COPB1: variants seen among roughly 807,000 people sequenced by gnomAD.
COPB1 encodes the protein coat protein complex I subunit beta 1.
In COPB1, 21 loss-of-function variants were observed where a neutral mutation model predicts 108.7. The ratio of observed to expected loss-of-function variants is 0.19; its 90% CI spans 0.14 to 0.28. The LOEUF is 0.28. Among genes scored for constraint, COPB1 ranks in the 10% least tolerant of loss-of-function variants. The pLI is 1.00. For synonymous variants in COPB1, 378 were observed against 386.8 expected, an observed-to-expected ratio of 0.98 and a Z score of 0.27; for missense variants, 919 against 1,141.3, an observed-to-expected ratio of 0.81 and a Z score of 2.81.
chr11:14,490,940 C>G (rs1850885156), intron 4 of COPB1, among the ~76,000 whole-genome samples: 1 of 152,026 alleles, frequency 6.6e-6, no homozygotes, highest in South Asian at 2.1e-4. Flanking sequence ...TAGGTGCCCA[C>G]CACTATGCCC....
chr11:14,483,091 T>G lies in COPB1; in HGVS notation c.898A>C (p.Ile300Leu). The change falls in exon 8 of 22, where the codon ATA (isoleucine) becomes CTA (leucine). Residue 300 changes from isoleucine (I) to leucine (L), a missense_variant. This residue lies in a region of COPB1 where 705 missense variants were observed against 817.8 expected (regional missense o/e 0.86). Coordinates refer to ENST00000439561, the MANE Select transcript of COPB1 (RefSeq NM_001144061.2). The stretch of plus-strand genomic sequence containing the variant: ...AATTCTATCAAGCGATCCAAAACTA[T>G]GAGTTTTACATTGTTGTCGCTCTCC... Reference protein sequence around the residue: ...IKESDNNVKLIVLDRLIELKE... With the variant: ...IKESDNNVKLLVLDRLIELKE... The G allele has an allele frequency of 6.3e-7, 1 of 1,591,580 alleles. No individual in the cohort carries two copies. Among genetic ancestry groups the G allele is most frequent in the Non-Finnish European group, 8.6e-7 (1 of 1,162,368 alleles).
chr11:14,499,411 G>T (rs374665458), intron 1 of COPB1, among the ~76,000 whole-genome samples: 2 of 152,218 alleles, frequency 1.3e-5, no homozygotes, highest in South Asian at 2.1e-4. Flanking sequence ...TAATCAACGC[G>T]CTGCACCCCC....
At chr11:14,482,907 G>A in intron 8 of COPB1, 125 bp downstream of exon 8, 1 of 789,944 alleles carries the variant, frequency 1.3e-6, no homozygotes, top group Non-Finnish European at 1.9e-6. Flanking sequence ...TAACACTTTA[G>A]CTGATCAAAA....
chr11:14,484,245 A>G (rs1376277947), intron 7 of COPB1, among the ~76,000 whole-genome samples: 2 of 152,234 alleles, frequency 1.3e-5, no homozygotes, highest in Non-Finnish European at 2.9e-5. Context: ...ACTGCATACA[A>G]TATGGGATCC....
intron 18 of COPB1, among the ~76,000 whole-genome samples, chr11:14,464,628 A>G (rs2134096082): frequency 6.6e-6 from 1 of 152,206 alleles, no homozygotes; most frequent in East Asian, 1.9e-4. Flanking sequence ...CTAACCTCAA[A>G]GCATATGGTA....
chr11:14,473,356 C>T lies in COPB1; in HGVS notation c.1737+1139G>A, dbSNP rs575503428. ...TTCCTTTGCATGCATAACTTGGCTA[C>T]CTACTTGGCAAAAGCAGCCTAGCTT... On this transcript the variant is annotated intron_variant, in intron 14 of 21. Transcript: ENST00000439561. Among the ~76,000 whole-genome samples, 6 of 152,282 alleles carry T rather than the reference C, an allele frequency of 3.9e-5. No homozygotes were observed. In the South Asian group the frequency reaches 1.2e-3, roughly 32 times the overall value.
chr11:14,471,011 C>A (rs1246610384), intron 14 of COPB1, among the ~76,000 whole-genome samples: 1 of 150,662 alleles, frequency 6.6e-6, no homozygotes, highest in Non-Finnish European at 1.5e-5. Context: ...AGCCAGAAGA[C>A]AATGGAGCTT....
chr11:14,461,565 GAAGTT>G (rs764033775), intron 18 of COPB1, among the ~76,000 whole-genome samples: 1 of 152,282 alleles, frequency 6.6e-6, no homozygotes, highest in East Asian at 1.9e-4. Context: ...TGAAAGCAGA[GAAGTT>G]AAGTAAGTTG....
chr11:14,464,956 C>T lies in COPB1; in HGVS notation c.2365G>A (p.Val789Ile), dbSNP rs201467424. 595 of 1,613,446 alleles carry T rather than the reference C, an allele frequency of 3.7e-4. No individual in the cohort carries two copies. Among genetic ancestry groups the T allele is most frequent in the Middle Eastern group, 8.3e-4 (5 of 5,990 alleles). Residue 789 changes from valine to isoleucine, a missense_variant, in exon 18 of 22, where the codon GTC becomes ATC. Physicochemically the swap from Val to Ile is conservative, Grantham distance 29 (BLOSUM62 3). Around this residue, in one of 5 missense-constraint regions of COPB1, gnomAD observed 705 missense variants for 817.8 expected, o/e 0.86. Transcript: ENST00000439561. Reference protein sequence around the residue: ...PHDFANIKANVKVASTENGII... With the variant: ...PHDFANIKANIKVASTENGII... The stretch of plus-strand genomic sequence containing the variant: ...CCATTTTCTGTTGATGCTACTTTGA[C>T]GTTAGCTTTAATATTTGCGAAGTCA...
chr11:14,496,677 C>G, intron 2 of COPB1, among the ~76,000 whole-genome samples: 1 of 114,388 alleles, frequency 8.7e-6, no homozygotes, highest in African/African-American at 3.4e-5. Context: ...CAATGACATT[C>G]TTCACAGAAA....
chr11:14,476,431 C>T (rs1440003622), intron 12 of COPB1, among the ~76,000 whole-genome samples: 1 of 152,166 alleles, frequency 6.6e-6, no homozygotes. Context: ...GTATTTATTA[C>T]TCAATACCAG....
At position 14,483,146 on chromosome 11, in the gene COPB1, A is replaced by T. The variant is rs772534408; in HGVS notation, c.843T>A (p.Ala281=). 1.3e-6 allele frequency: 2 copies of T among 1,538,894 alleles called. No homozygotes were observed. The highest frequency in any genetic ancestry group is 1.8e-6 in the Non-Finnish European group (2 of 1,136,200). ...TAATTAAATCAATGTAACACTGAGC[A>T]GCAGCCTATATAAAAAAAGAAATAC... ...LSSAPTAIKA[A]AQCYIDLIIK... Residue 281 remains alanine, a synonymous_variant, in exon 8 of 22, where the codon GCT becomes GCA. Coordinates refer to ENST00000439561, the MANE Select transcript of COPB1 (RefSeq NM_001144061.2).
chr11:14,462,802 T>C lies in COPB1; in HGVS notation c.2411-1471A>G, dbSNP rs187328593. On this transcript the variant is annotated intron_variant, in intron 18 of 21. Coordinates refer to ENST00000439561, the MANE Select transcript of COPB1 (RefSeq NM_001144061.2). ...TCATCCTTATGTCTTTACTTTCCCATTCTCTACCAACTTTCTTCCCTTATG... is the reference window on the plus strand; with the variant it reads ...TCATCCTTATGTCTTTACTTTCCCACTCTCTACCAACTTTCTTCCCTTATG... Among the ~76,000 whole-genome samples the C allele has an allele frequency of 1.1e-4, 17 of 152,318 alleles. No individual in the cohort carries two copies. The East Asian group carries it at 1.7e-3, about 16-fold the overall frequency.
At chr11:14,460,342 T>G in intron 19 of COPB1, 45 bp from the exon 20 acceptor site, 1 of 1,246,204 alleles carries the variant, frequency 8.0e-7, no homozygotes. Context: ...AATCTTACTA[T>G]GAGAAAGCTG....
chr11:14,463,044 T>C (rs2597203), intron 18 of COPB1, among the ~76,000 whole-genome samples: 22,446 of 152,140 alleles, frequency 0.15, 2,053 homozygotes, highest in African/African-American at 0.27. Context: ...AAATCACTAA[T>C]AGCCAAATCC....
At chr11:14,470,699 G>A (rs1850379374) in intron 14 of COPB1, among the ~76,000 whole-genome samples, 1 of 151,956 alleles carries the variant, frequency 6.6e-6, no homozygotes, top group African/African-American at 2.4e-5. Context: ...AAAAGGAGAG[G>A]AAAGAGAGGA....
At chr11:14,472,002 A>G (rs908207181) in intron 14 of COPB1, among the ~76,000 whole-genome samples, 11 of 152,222 alleles carry the variant, frequency 7.2e-5, no homozygotes, top group Non-Finnish European at 1.3e-4. Flanking sequence ...AAGTGTTTCA[A>G]TTTAGAAACC....
chr11:14,472,284 T>C (rs1850425491), intron 14 of COPB1, among the ~76,000 whole-genome samples: 1 of 152,248 alleles, frequency 6.6e-6, no homozygotes, highest in South Asian at 2.1e-4. Context: ...ACCAGCTAAA[T>C]TGTCAATGAA....
chr11:14,475,844 A>AC lies in COPB1; in HGVS notation c.1556dup (p.Thr520TyrfsTer9). On this transcript the variant is annotated frameshift_variant, in exon 13 of 22. Coordinates refer to ENST00000439561, the MANE Select transcript of COPB1 (RefSeq NM_001144061.2). LOFTEE classifies it high-confidence loss of function. ...TAAGGGCACTCTGAGTTGCATAGGT[A>AC]CCCATTTCAGTAACCAATTTCTGAA... The AC allele has an allele frequency of 6.2e-7, 1 of 1,613,736 alleles. No individual in the cohort carries two copies. Among genetic ancestry groups the AC allele is most frequent in the East Asian group, 2.2e-5 (1 of 44,850 alleles).
Sources: gnomAD v4.1 joint callset for allele counts (sites outside exome capture counted in the v4.1 genomes callset) on GRCh38, gnomAD v4.1.1 for gene constraint, gnomAD v4.1.1 regional missense constraint, MANE v1.5 for transcripts, NCBI Gene and HGNC (gene_info 2026-07-23, HGNC 2026-07-21) for gene names.